The following ANK3 variants were observed in gnomAD, a reference collection of about 807,000 sequenced individuals.
ANK3 encodes the protein ankyrin 3, also known as ankyrin-3.
ANK3 carries 57 observed loss-of-function variants against 370.9 expected under a neutral mutation model. The ratio of observed to expected loss-of-function variants is 0.15; its 90% CI spans 0.12 to 0.19. The LOEUF is 0.19. ANK3 is among the 10% of genes least tolerant of loss of function. The pLI, the probability that ANK3 is intolerant of heterozygous loss-of-function variation, is 1.00. For missense variants in ANK3, 4,439 were observed against 5,302.1 expected (o/e 0.84, Z 5.06); for synonymous variants, 1,929 against 1,946.3 (o/e 0.99, Z 0.23).
chr10:60,632,123 C>A (rs1224492971), intron 1 of ANK3, among the ~76,000 whole-genome samples: 2 of 152,202 alleles, frequency 1.3e-5, no homozygotes, highest in African/African-American at 2.4e-5. Flanking sequence ...AACTTCAAAC[C>A]CTGTATCTAC....
chr10:60,538,776 C>A (rs2076781333), intron 2 of ANK3, among the ~76,000 whole-genome samples: 1 of 151,798 alleles, frequency 6.6e-6, no homozygotes, highest in African/African-American at 2.4e-5. Context: ...ATATTTACTA[C>A]TGAATGAGAC....
intron 16 of ANK3, among the ~76,000 whole-genome samples, chr10:60,194,437 T>A (rs1591554125): frequency 6.6e-6 from 1 of 152,192 alleles, no homozygotes; most frequent in African/African-American, 2.4e-5. Flanking sequence ...ACCCTTGACA[T>A]CCACCATCCT....
intron 2 of ANK3, among the ~76,000 whole-genome samples, chr10:60,499,944 A>G (rs2075756463): frequency 6.6e-6 from 1 of 152,208 alleles, no homozygotes; most frequent in African/African-American, 2.4e-5. Flanking sequence ...ATTTTAAATA[A>G]CTGAAATAAC....
At chr10:60,109,867 T>G (rs901519260) in intron 26 of ANK3, among the ~76,000 whole-genome samples, 11 of 152,228 alleles carry the variant, frequency 7.2e-5, no homozygotes, top group Non-Finnish European at 1.2e-4. Context: ...GGAATCACTG[T>G]CTTCTATCAC....
At chr10:60,083,379 T>G in intron 33 of ANK3, 113 bp downstream of exon 33, 1 of 1,153,894 alleles carries the variant, frequency 8.7e-7, no homozygotes, top group Non-Finnish European at 1.2e-6. Flanking sequence ...ACCTTATGAG[T>G]TCAGATTTGA....
In ANK3 at chr10:60,118,104, A is replaced by G. The variant is rs901348139; in HGVS notation, c.2842-3773T>C. 4.6e-5 allele frequency among the ~76,000 whole-genome samples: 7 copies of G among 152,350 alleles called. 1 individual carries two copies. The South Asian group carries it at 1.4e-3, about 32-fold the overall frequency. ...CACATCATACGAGTTATCAAAAATT[A>G]TTCCAAGCACTCGTCTCTGGAAAGC... On this transcript the variant is annotated intron_variant, in intron 25 of 43. Coordinates refer to ENST00000280772, the MANE Select transcript of ANK3 (RefSeq NM_020987.5).
chr10:60,080,322 G>A, intron 36 of ANK3: 2 of 491,108 alleles, frequency 4.1e-6, no homozygotes, highest in Non-Finnish European at 7.1e-6. Context: ...ATAGTTAATG[G>A]CTTTAAAAAC....
Position 60,075,523 on chromosome 10 carries a change from T to A in ANK3, c.5358A>T (p.Pro1786=). Residue 1786 remains proline (P), a synonymous_variant, in exon 37 of 44, where the codon CCA becomes CCT. Transcript: ENST00000280772. The part of the protein sequence containing the change: ...SPLRSYVSAA[P]SAFQSLRTPS... Reference sequence around the variant, plus strand: ...GAGTTCTTAGAGACTGAAAAGCTGATGGTGCTGCAGAAACATATGACCTGA... The same window carrying A: ...GAGTTCTTAGAGACTGAAAAGCTGAAGGTGCTGCAGAAACATATGACCTGA... 1 of 1,613,832 alleles carries A rather than the reference T, an allele frequency of 6.2e-7. No homozygotes were observed. Among genetic ancestry groups the A allele is most frequent in the Non-Finnish European group, 8.5e-7 (1 of 1,179,988 alleles).
At chr10:60,631,945 A>T (rs1181945427) in intron 1 of ANK3, among the ~76,000 whole-genome samples, 1 of 152,214 alleles carries the variant, frequency 6.6e-6, no homozygotes, top group Non-Finnish European at 1.5e-5. Flanking sequence ...ATTGAAATGA[A>T]CTAGGGGATT....
intron 15 of ANK3, 112 bp from the exon 16 acceptor site, chr10:60,196,355 G>A (rs1480425972): frequency 1.8e-5 from 19 of 1,040,702 alleles, no homozygotes; most frequent in Admixed American, 4.4e-5. Flanking sequence ...TTTACATTCC[G>A]GTTTCCACAG....
chr10:60,226,445 C>G (rs1240269770), intron 8 of ANK3, among the ~76,000 whole-genome samples: 4 of 105,770 alleles, frequency 3.8e-5, no homozygotes, highest in African/African-American at 1.6e-4. Flanking sequence ...ATATAACATA[C>G]TATAAAATAT....
At chr10:60,624,498 G>T (rs560879081) in intron 1 of ANK3, among the ~76,000 whole-genome samples, 1 of 152,096 alleles carries the variant, frequency 6.6e-6, no homozygotes. Context: ...TCCCTTGCTC[G>T]ATTTGAATCT....
chr10:60,165,010 T>G (rs1019310606), intron 23 of ANK3, among the ~76,000 whole-genome samples: 1 of 152,230 alleles, frequency 6.6e-6, no homozygotes, highest in Non-Finnish European at 1.5e-5. Flanking sequence ...TCAATTAAAT[T>G]CAAATTTCGA....
chr10:60,275,168 T>C (rs946973672), intron 4 of ANK3, among the ~76,000 whole-genome samples: 5 of 152,202 alleles, frequency 3.3e-5, no homozygotes, highest in African/African-American at 1.2e-4. Flanking sequence ...CAATTTGCAT[T>C]TTCTTTTCTG....
intron 1 of ANK3, among the ~76,000 whole-genome samples, chr10:60,333,665 A>T (rs920386025): frequency 7.9e-5 from 12 of 152,154 alleles, no homozygotes; most frequent in Non-Finnish European, 1.0e-4. Flanking sequence ...TACACCCAGT[A>T]ATGGGATTGC....
intron 5 of ANK3, among the ~76,000 whole-genome samples, chr10:60,265,244 CCTCCTGTCTCCCCATTA>C (rs2097860108): frequency 6.6e-6 from 1 of 152,168 alleles, no homozygotes; most frequent in African/African-American, 2.4e-5. Context: ...TTGACCATTA[CCTCCTGTCTCCCCATTA>C]CTCCCAGTTC....
intron 2 of ANK3, among the ~76,000 whole-genome samples, chr10:60,580,304 ATAAG>A (rs1212027472): frequency 6.6e-6 from 1 of 152,198 alleles, no homozygotes; most frequent in Admixed American, 6.5e-5. Context: ...TGAGAAATGA[ATAAG>A]TGATTGGAGA....
chr10:60,204,670 C>T (rs904768942), intron 11 of ANK3, among the ~76,000 whole-genome samples: 10 of 152,080 alleles, frequency 6.6e-5, no homozygotes, highest in Non-Finnish European at 1.0e-4. Context: ...ACTGAATGAT[C>T]TGTGTATGGG....
intron 4 of ANK3, among the ~76,000 whole-genome samples, chr10:60,273,501 C>G (rs559672838): frequency 6.6e-6 from 1 of 152,220 alleles, no homozygotes; most frequent in Non-Finnish European, 1.5e-5. Context: ...AGTGATCACT[C>G]CCCATTTCCC....
Sources: allele counts gnomAD v4.1 joint callset (sites outside exome capture counted in the v4.1 genomes callset), GRCh38; gene constraint gnomAD v4.1.1; transcripts MANE v1.5; gene names NCBI Gene and HGNC (gene_info 2026-07-23, HGNC 2026-07-21).